ANKRD42: variants seen among roughly 807,000 people sequenced by gnomAD.
The protein encoded by ANKRD42 is ankyrin repeat domain-containing protein 42.
ANKRD42 carries 43 observed loss-of-function variants against 51.5 expected under a neutral mutation model. The ratio of observed to expected loss-of-function variants is 0.83; its 90% confidence interval spans 0.65 to 1.08. The LOEUF is 1.08. Ranked by LOEUF, ANKRD42 falls within the 50% of genes least tolerant of loss-of-function variation. ANKRD42 has a pLI of 0.00. For synonymous variants in ANKRD42, 203 were observed against 213.0 expected (o/e 0.95, Z 0.41); for missense variants, 608 against 629.3 (o/e 0.97, Z 0.36).
At chr11:83,198,386 G>C in intron 1 of ANKRD42, 93 bp from the exon 2 acceptor site, 2 of 1,259,650 alleles carry the variant, frequency 1.6e-6, no homozygotes, top group Non-Finnish European at 2.2e-6. Context: ...GAAAGCCAAA[G>C]TAATTTTGTG....
At chr11:83,253,134 G>A (rs1272313151), downstream of ANKRD42, among the ~76,000 whole-genome samples, 1 of 152,170 alleles carries the variant, frequency 6.6e-6, no homozygotes, top group Non-Finnish European at 1.5e-5. Flanking sequence ...GTCTCTGCTG[G>A]GCTTCTCTCT....
intron 5 of ANKRD42, chr11:83,214,622 C>CA: frequency 2.2e-6 from 2 of 899,096 alleles, no homozygotes; most frequent in Non-Finnish European, 2.7e-6. Context: ...TTTTGGTGTA[C>CA]ATGTGATAAT....
chr11:83,261,851 A>T (rs373174461), downstream of ANKRD42: 1 of 1,250,026 alleles, frequency 8.0e-7, no homozygotes, highest in Non-Finnish European at 1.1e-6. Context: ...TGTTCAAAGT[A>T]AATCTCTCCC....
chr11:83,226,810 A>ATT (rs1862901446), intron 6 of ANKRD42, among the ~76,000 whole-genome samples: 1 of 152,060 alleles, frequency 6.6e-6, no homozygotes, highest in African/African-American at 2.4e-5. Flanking sequence ...TAAACAAAAC[A>ATT]AAACAAAACA....
chr11:83,207,325 C>T (rs992075805), intron 3 of ANKRD42, among the ~76,000 whole-genome samples: 1 of 152,206 alleles, frequency 6.6e-6, no homozygotes, highest in Admixed American at 6.5e-5. Context: ...CAATGTACAT[C>T]ACAGTTCCTG....
In ANKRD42 at chr11:83,224,968, G is replaced by A. The variant is rs201777710; in HGVS notation, c.700G>A (p.Asp234Asn). 36 of 1,613,702 alleles carry A rather than the reference G, an allele frequency of 2.2e-5. No homozygotes were observed. The South Asian group carries it at 3.3e-4, about 15-fold the overall frequency. The change falls in exon 6 of 11, where the codon GAT becomes AAT. Residue 234 changes from aspartate to asparagine, a missense_variant. Asp to Asn is a conservative substitution (Grantham distance 23). Transcript: ENST00000533342. The part of the protein sequence containing the change: ...AFNDNGENVL[D>N]LAQRFFKQNI... ...CAATGATAATGGAGAAAATGTACTG[G>A]ATTTGGCCCAGAGGTTCTTCAAGCA...
At position 83,225,065 on chromosome 11, in the gene ANKRD42, T is replaced by G. The variant is rs528510569; in HGVS notation, c.787+10T>G. 119 of 1,603,292 alleles carry G rather than the reference T, an allele frequency of 7.4e-5. No individual in the cohort carries two copies. The South Asian group carries it at 1.2e-3, about 16-fold the overall frequency. On this transcript the variant is annotated intron_variant, in intron 6 of 10. Coordinates refer to ENST00000533342, the MANE Select transcript of ANKRD42 (RefSeq NM_001300975.2). ...CTAGAGGATCAGGAAAGTAAGTAAT[T>G]AAGTTATATGTTCTAGCATATAATG... is the stretch of plus-strand genomic sequence containing the variant.
At chr11:83,210,151 C>A in intron 3 of ANKRD42, 149 bp from the exon 4 acceptor site, 2 of 647,258 alleles carry the variant, frequency 3.1e-6, no homozygotes, top group Non-Finnish European at 4.7e-6. Flanking sequence ...CTGAGAATTT[C>A]TTATGTTTTG....
intron 5 of ANKRD42, among the ~76,000 whole-genome samples, chr11:83,223,584 G>A (rs1270975367): frequency 6.6e-6 from 1 of 152,064 alleles, no homozygotes; most frequent in African/African-American, 2.4e-5. Context: ...AGGTAAATGT[G>A]TGTGAGGAGG....
intron 5 of ANKRD42, 81 bp from the exon 6 acceptor site, chr11:83,224,774 A>C (rs1017656025): frequency 8.5e-7 from 1 of 1,176,200 alleles, no homozygotes; most frequent in African/African-American, 1.6e-5. Flanking sequence ...ACAGAGCAAG[A>C]TCTTGTCTCT....
chr11:83,233,043 T>G (rs556974443), intron 7 of ANKRD42, among the ~76,000 whole-genome samples: 1 of 152,310 alleles, frequency 6.6e-6, no homozygotes, highest in South Asian at 2.1e-4. Flanking sequence ...TGTAGTTTTA[T>G]TTTTTGATGT....
chr11:83,213,789 G>A lies in ANKRD42; in HGVS notation c.586+2359G>A, dbSNP rs934112335. The A allele has an allele frequency of 2.6e-5, 4 of 154,766 alleles. No homozygotes were observed. In the East Asian group the frequency reaches 5.7e-4, roughly 22 times the overall value. The allele number at this position is 154,766 out of a possible 1,614,324, so 9.6% of individuals were successfully genotyped here. ...TATTCTAGATACAAGCCCTTTGTCA[G>A]TTACGTTTATTACCAATATCTTTTC... On this transcript the variant is annotated intron_variant, in intron 5 of 10. Transcript: ENST00000533342.
chr11:83,262,054 GC>G (rs1416242163), downstream of ANKRD42: 4 of 866,742 alleles, frequency 4.6e-6, no homozygotes, highest in East Asian at 1.1e-4. Flanking sequence ...TAAGTGAAGA[GC>G]AAAAAACAGG....
In ANKRD42 at chr11:83,211,447, A is replaced by C. The variant is rs1333395620; in HGVS notation, c.586+17A>C. 6.2e-7 allele frequency: 1 copy of C among 1,611,142 alleles called. No homozygotes were observed. The highest frequency in any genetic ancestry group is 1.3e-5 in the African/African-American group (1 of 74,720). On this transcript the variant is annotated intron_variant, in intron 5 of 10. Coordinates refer to ENST00000533342, the MANE Select transcript of ANKRD42 (RefSeq NM_001300975.2). ...ACCTTCCAGGTATTTTAAATAAAGCAAATATTTTAGTTTTTCATTGATGTA... is the reference window on the plus strand; with the variant it reads ...ACCTTCCAGGTATTTTAAATAAAGCCAATATTTTAGTTTTTCATTGATGTA...
At chr11:83,255,882 G>C in exon 12 of ANKRD42, 1 of 1,533,496 alleles carries the variant, frequency 6.5e-7, no homozygotes, top group Non-Finnish European at 8.7e-7. Context: ...AAAGAGAAGA[G>C]GCGAGTAAAA....
Position 83,225,048 on chromosome 11 carries a change from T to A in ANKRD42, c.780T>A (p.Asp260Glu), listed in dbSNP as rs143071836. 1.3e-4 allele frequency: 215 copies of A among 1,611,138 alleles called. 1 individual carries two copies. In the South Asian group the frequency reaches 1.8e-3, roughly 13 times the overall value. ...AGTATGAAGGAAAAGACCTAGAGGA[T>A]CAGGAAAGTAAGTAATTAAGTTATA... ...GAEYEGKDLE[D>E]QETLAFPGHV... Residue 260 changes from aspartate to glutamate, a missense_variant, in exon 6 of 11, where the codon GAT (aspartate) becomes GAA (glutamate). Asp to Glu is a conservative substitution (Grantham distance 45). Transcript: ENST00000533342.
rs775791557 is a variant in ANKRD42, at chr11:83,224,934, A to C, written c.666A>C (p.Leu222Phe). Residue 222 changes from leucine to phenylalanine, a missense_variant, in exon 6 of 11, where the codon TTA (leucine) becomes TTC (phenylalanine). Leu to Phe is a conservative substitution (Grantham distance 22, BLOSUM62 0). Transcript: ENST00000533342. ...GAATGAGCAGTGCGACGCAAGTTTT[A>C]AAAGCTTTCAATGATAATGGAGAAA... ...VSRMSSATQV[L>F]KAFNDNGENV... The C allele has an allele frequency of 6.2e-7, 1 of 1,613,520 alleles. No individual in the cohort carries two copies. Among genetic ancestry groups the C allele is most frequent in the East Asian group, 2.2e-5 (1 of 44,854 alleles).
chr11:83,219,215 GT>G (rs1862637581), intron 5 of ANKRD42, among the ~76,000 whole-genome samples: 1 of 152,184 alleles, frequency 6.6e-6, no homozygotes, highest in African/African-American at 2.4e-5. Flanking sequence ...CTTTTCCTGA[GT>G]CTTCCATCTA....
intron 5 of ANKRD42, among the ~76,000 whole-genome samples, chr11:83,216,619 C>T (rs543263409): frequency 4.6e-5 from 7 of 152,298 alleles, no homozygotes; most frequent in South Asian, 4.1e-4. Context: ...CCACCGCGCC[C>T]GGCCCCTTTA....
Sources: allele counts gnomAD v4.1 joint callset (sites outside exome capture counted in the v4.1 genomes callset), GRCh38; gene constraint gnomAD v4.1.1; transcripts MANE v1.5; gene names NCBI Gene and HGNC (gene_info 2026-07-23, HGNC 2026-07-21).